KIF26A: variants seen among roughly 807,000 people sequenced by gnomAD.
KIF26A encodes the protein kinesin-like protein KIF26A.
KIF26A carries 74 observed loss-of-function variants against 126.0 expected under a neutral mutation model. That is an observed-to-expected ratio of 0.59 (90% CI 0.49 to 0.71). The LOEUF is 0.71. KIF26A is among the 30% of genes least tolerant of loss of function. KIF26A has a pLI of 0.00. For synonymous variants in KIF26A, 1,445 were observed against 1,232.7 expected (o/e 1.17, Z -3.61); for missense variants, 2,984 against 2,763.3 (o/e 1.08, Z -1.79).
In KIF26A at chr14:104,157,742, T is replaced by A. The variant is rs1016799653; in HGVS notation, c.736-13T>A. 6.2e-7 allele frequency: 1 copy of A among 1,609,126 alleles called. No individual in the cohort carries two copies. Among genetic ancestry groups the A allele is most frequent in the African/African-American group, 1.3e-5 (1 of 74,828 alleles). On this transcript the variant is annotated splice_polypyrimidine_tract_variant and intron_variant, in intron 3 of 14. Coordinates refer to ENST00000423312, the MANE Select transcript of KIF26A (RefSeq NM_015656.2). ...CCTTGCGTTCCTTATACGCACTCTCTCCTTCCCTCCAGGCCGAGGCAGCGG... is the reference window on the plus strand; with the variant it reads ...CCTTGCGTTCCTTATACGCACTCTCACCTTCCCTCCAGGCCGAGGCAGCGG...
In KIF26A at chr14:104,175,538, C is replaced by T; in HGVS notation, c.2750C>T (p.Ala917Val). Residue 917 changes from alanine (A) to valine (V), a missense_variant, in exon 12 of 15, where the codon GCC becomes GTC. By Grantham distance (64) the Ala-to-Val change is moderately conservative. Coordinates refer to ENST00000423312, the MANE Select transcript of KIF26A (RefSeq NM_015656.2). Reference protein sequence around the residue: ...THQGTPEPCKAIVWGDQREDS... With the variant: ...THQGTPEPCKVIVWGDQREDS... Reference sequence around the variant, plus strand: ...CAGGGTACCCCTGAGCCCTGCAAGGCCATTGTCTGGGGTGACCAGAGAGAG... The same window carrying T: ...CAGGGTACCCCTGAGCCCTGCAAGGTCATTGTCTGGGGTGACCAGAGAGAG... 6.2e-7 allele frequency: 1 copy of T among 1,602,570 alleles called. No homozygotes were observed. Among genetic ancestry groups the T allele is most frequent in the African/African-American group, 1.3e-5 (1 of 75,058 alleles).
intron 4 of KIF26A, among the ~76,000 whole-genome samples, chr14:104,158,176 A>T (rs1431631107): frequency 6.6e-6 from 1 of 152,138 alleles, no homozygotes; most frequent in Non-Finnish European, 1.5e-5. Context: ...ACTGCCAAGG[A>T]GGGGCTCTGT....
At chr14:104,140,273 CCT>C (rs1455735379) in intron 2 of KIF26A, among the ~76,000 whole-genome samples, 3 of 152,060 alleles carry the variant, frequency 2.0e-5, no homozygotes, top group African/African-American at 4.8e-5. Flanking sequence ...ATTGCTGTAG[CCT>C]CTCTCTGGCT....
In KIF26A at chr14:104,173,805, C is replaced by T; in HGVS notation, c.1967C>T (p.Ser656Phe). ...GCTGCTGGGGGTCCCCTGTGTCTGT[C>T]CCTGTCGGCCCTGGGCAGCGTCATC... is the stretch of plus-strand genomic sequence containing the variant. ...GEAAGGPLCLSLSALGSVILA... is the reference protein window; with the variant it reads ...GEAAGGPLCLFLSALGSVILA... Residue 656 changes from serine (S) to phenylalanine (F), a missense_variant, in exon 10 of 15, where the codon TCC becomes TTC. By Grantham distance (155) the Ser-to-Phe change is radical (BLOSUM62 -2). Coordinates refer to ENST00000423312, the MANE Select transcript of KIF26A (RefSeq NM_015656.2). The T allele has an allele frequency of 6.2e-7, 1 of 1,604,260 alleles. No individual in the cohort carries two copies.
chr14:104,158,492 C>T (rs990958917), intron 4 of KIF26A, among the ~76,000 whole-genome samples: 1 of 152,174 alleles, frequency 6.6e-6, no homozygotes, highest in African/African-American at 2.4e-5. Context: ...CGGGTGCCCA[C>T]GGTGCCAGCC....
rs751314566 is a variant in KIF26A, at chr14:104,177,865, C to A, written c.5077C>A (p.Arg1693Ser). 1 of 1,554,906 alleles carries A rather than the reference C, an allele frequency of 6.4e-7. No homozygotes were observed. The highest frequency in any genetic ancestry group is 8.6e-7 in the Non-Finnish European group (1 of 1,157,232). The change falls in exon 12 of 15, where the codon CGC becomes AGC. Residue 1693 changes from arginine (R) to serine (S), a missense_variant. Transcript: ENST00000423312. ...GGCTGCCTCCCCAGGCGCCCGCACC[C>A]GCAGCCTCAAGTCCCCCAAGAAGAG... is the stretch of plus-strand genomic sequence containing the variant. ...SGAASPGART[R>S]SLKSPKKRAT...
intron 4 of KIF26A, among the ~76,000 whole-genome samples, chr14:104,162,601 T>C (rs2037843567): frequency 6.6e-6 from 1 of 152,140 alleles, no homozygotes; most frequent in Non-Finnish European, 1.5e-5. Flanking sequence ...CTTGGGGGTG[T>C]GGGTGCCGAT....
In KIF26A at chr14:104,151,288, T is replaced by C. The variant is rs1050118681; in HGVS notation, c.289-727T>C. ...TTTCTAGAACCCAGTCTCAGGGTTC[T>C]AGAGAAACCTGTGTGTCCCCCCAGT... On this transcript the variant is annotated intron_variant, in intron 2 of 14. Coordinates refer to ENST00000423312, the MANE Select transcript of KIF26A (RefSeq NM_015656.2). This position sits in a 1 kb window ranked among gnomAD's most constrained non-coding sequence, Gnocchi z 4.9. Among the ~76,000 whole-genome samples, 1 of 151,974 alleles carries C rather than the reference T, an allele frequency of 6.6e-6. No homozygotes were observed. Among genetic ancestry groups the C allele is most frequent in the Admixed American group, 6.6e-5 (1 of 15,262 alleles).
At chr14:104,165,291 CTGTA>C (rs1398332995) in intron 4 of KIF26A, among the ~76,000 whole-genome samples, 3 of 149,692 alleles carry the variant, frequency 2.0e-5, no homozygotes, top group Non-Finnish European at 4.4e-5. Context: ...GTGTGTGTCT[CTGTA>C]TGCATGTGTG....
In KIF26A at chr14:104,172,586, C is replaced by T. The variant is rs750815620; in HGVS notation, c.1338C>T (p.Cys446=). Residue 446 remains cysteine, a synonymous_variant, in exon 7 of 15, where the codon TGC becomes TGT. Transcript: ENST00000423312. ...TCTTGCCCCCCTAGGCCGAAGTCTG[C>T]TCGGGGACCGTGGCCGACGTGCTCC... ...FPQDSEQAEV[C]SGTVADVLQS... 6.2e-7 allele frequency: 1 copy of T among 1,612,810 alleles called. No homozygotes were observed. The highest frequency in any genetic ancestry group is 2.2e-5 in the East Asian group (1 of 44,872).
intron 4 of KIF26A, among the ~76,000 whole-genome samples, chr14:104,162,936 A>G (rs1312872615): frequency 6.6e-6 from 1 of 152,098 alleles, no homozygotes; most frequent in South Asian, 2.1e-4. Flanking sequence ...CCCCGCCCCA[A>G]GAAACCTGGG....
At chr14:104,158,099 G>T (rs939801129) in intron 4 of KIF26A, among the ~76,000 whole-genome samples, 157 bp downstream of exon 4, 1 of 152,174 alleles carries the variant, frequency 6.6e-6, no homozygotes, top group Non-Finnish European at 1.5e-5. Context: ...CTGCTGAGCC[G>T]CTCACAGCCT....
At chr14:104,143,034 C>T (rs918548676) in intron 2 of KIF26A, among the ~76,000 whole-genome samples, 18 of 152,252 alleles carry the variant, frequency 1.2e-4, no homozygotes, top group East Asian at 1.9e-4. Flanking sequence ...CTGACAGACA[C>T]GTCATGTGAG....
chr14:104,157,609 T>A, intron 3 of KIF26A, 146 bp from the exon 4 acceptor site: 1 of 908,460 alleles, frequency 1.1e-6, no homozygotes, highest in Non-Finnish European at 1.6e-6. Flanking sequence ...CTTCCCGGCT[T>A]CACAGGCTGG....
At chr14:104,156,929 G>C (rs1214094380) in intron 3 of KIF26A, among the ~76,000 whole-genome samples, 5 of 152,118 alleles carry the variant, frequency 3.3e-5, no homozygotes, top group Non-Finnish European at 7.4e-5. Context: ...ACCGTGACCT[G>C]ACCAGGCCAC....
intron 5 of KIF26A, among the ~76,000 whole-genome samples, chr14:104,170,341 T>C (rs1304540475): frequency 1.3e-5 from 2 of 152,236 alleles, no homozygotes; most frequent in African/African-American, 4.8e-5. Context: ...GCCCAGGTTC[T>C]GAGTAGTACA....
At chr14:104,158,625 C>G (rs10150376) in intron 4 of KIF26A, among the ~76,000 whole-genome samples, 7 of 152,196 alleles carry the variant, frequency 4.6e-5, no homozygotes, top group South Asian at 2.1e-4. Flanking sequence ...TGCTCTCCCC[C>G]CTGCTGATCC....
chr14:104,173,278 T>A (rs775279376), intron 8 of KIF26A, 39 bp downstream of exon 8: 4 of 1,601,512 alleles, frequency 2.5e-6, no homozygotes, highest in Non-Finnish European at 3.4e-6. Flanking sequence ...GGAGGGGGGC[T>A]GCACTTGGCC....
chr14:104,176,167 C>A lies in KIF26A; in HGVS notation c.3379C>A (p.Pro1127Thr). The change falls in exon 12 of 15, where the codon CCC becomes ACC. Residue 1127 changes from proline to threonine, a missense_variant. Transcript: ENST00000423312. ...CGTCTGCACTGCCGACAGCCGTGAC[C>A]CCACGCCGCAGCCCCGCTTCAGCCC... Reference protein sequence around the residue: ...VSVCTADSRDPTPQPRFSPDS... With the variant: ...VSVCTADSRDTTPQPRFSPDS... 6.3e-7 allele frequency: 1 copy of A among 1,591,914 alleles called. No individual in the cohort carries two copies. Among genetic ancestry groups the A allele is most frequent in the South Asian group, 1.1e-5 (1 of 87,628 alleles).
Sources: allele counts gnomAD v4.1 joint callset (sites outside exome capture counted in the v4.1 genomes callset), GRCh38; gene constraint gnomAD v4.1.1; non-coding constraint Gnocchi (gnomAD v3.1); transcripts MANE v1.5; gene names NCBI Gene and HGNC (gene_info 2026-07-23, HGNC 2026-07-21).